SDK1: variants seen among roughly 807,000 people sequenced by gnomAD.
SDK1 encodes the protein protein sidekick-1.
In SDK1, 157 loss-of-function variants were observed where a neutral mutation model predicts 245.5. The observed-to-expected ratio is 0.64, with a 90% confidence interval of 0.56 to 0.73. The LOEUF (loss-of-function observed/expected upper bound fraction) is 0.73, where lower values mean the gene tolerates loss of function less well. Ranked by LOEUF, SDK1 falls within the 30% of genes least tolerant of loss-of-function variation. The probability of loss-of-function intolerance (pLI) is 0.00; values close to 1 mark genes in which losing one functional copy is unlikely to be tolerated. For missense variants in SDK1, 3,583 were observed against 3,002.3 expected, an observed-to-expected ratio of 1.19 and a Z score of -4.52; for synonymous variants, 1,647 against 1,278.5, an observed-to-expected ratio of 1.29 and a Z score of -6.15.
chr7:3,953,187 TTG>T (rs2128126080), intron 7 of SDK1, among the ~76,000 whole-genome samples: 1 of 149,940 alleles, frequency 6.7e-6, no homozygotes, highest in East Asian at 1.9e-4. Context: ...AAAAAAAAGC[TTG>T]TGTTTTCCTA....
chr7:3,369,884 C>A (rs1781180545), intron 1 of SDK1, among the ~76,000 whole-genome samples: 2 of 152,146 alleles, frequency 1.3e-5, no homozygotes, highest in South Asian at 4.1e-4. Flanking sequence ...TATTTCAGGG[C>A]AGCACCTAGC....
At chr7:4,078,674 C>T (rs187446238) in intron 21 of SDK1, among the ~76,000 whole-genome samples, 7 of 152,236 alleles carry the variant, frequency 4.6e-5, no homozygotes, top group African/African-American at 1.7e-4. Flanking sequence ...TTGCATGGCA[C>T]AGTAACACGA....
intron 1 of SDK1, among the ~76,000 whole-genome samples, chr7:3,457,628 T>G (rs1372531448): frequency 6.6e-6 from 1 of 152,220 alleles, no homozygotes; most frequent in African/African-American, 2.4e-5. Flanking sequence ...TGTATGAATT[T>G]CAGCTTAATA....
intron 35 of SDK1, among the ~76,000 whole-genome samples, chr7:4,200,273 G>C (rs189245521): frequency 6.6e-6 from 1 of 152,216 alleles, no homozygotes; most frequent in African/African-American, 2.4e-5. Context: ...CCAAACTCCA[G>C]GCGGTCTTGG....
chr7:4,086,108 G>A (rs1394391134), intron 22 of SDK1, among the ~76,000 whole-genome samples: 1 of 151,898 alleles, frequency 6.6e-6, no homozygotes, highest in Non-Finnish European at 1.5e-5. Flanking sequence ...TTTCTTCCAC[G>A]GAAGGTGGCA....
At chr7:3,430,020 CAT>C (rs1370791027) in intron 1 of SDK1, among the ~76,000 whole-genome samples, 1 of 152,234 alleles carries the variant, frequency 6.6e-6, no homozygotes, top group Non-Finnish European at 1.5e-5. Flanking sequence ...CACTGTGTGA[CAT>C]ATTACATTTC....
chr7:3,796,586 G>A (rs1335707369), intron 4 of SDK1, among the ~76,000 whole-genome samples: 4 of 152,088 alleles, frequency 2.6e-5, no homozygotes, highest in African/African-American at 4.8e-5. Flanking sequence ...ATAGCCAGGC[G>A]CAACCACTTC....
chr7:3,352,630 A>G (rs57364280), intron 1 of SDK1, among the ~76,000 whole-genome samples: 1,539 of 152,334 alleles, frequency 0.01, 33 homozygotes, highest in African/African-American at 0.035. Context: ...GTTGAATAAC[A>G]GAGCCACTCA....
intron 5 of SDK1, among the ~76,000 whole-genome samples, chr7:3,826,458 T>C (rs1347957204): frequency 1.3e-5 from 2 of 152,252 alleles, no homozygotes; most frequent in Non-Finnish European, 1.5e-5. Flanking sequence ...CGACGTGGCT[T>C]CTACTAACGA....
intron 1 of SDK1, among the ~76,000 whole-genome samples, chr7:3,444,075 A>T (rs1048241610): frequency 5.9e-5 from 9 of 152,204 alleles, no homozygotes; most frequent in African/African-American, 2.2e-4. Flanking sequence ...AGACTCCTAT[A>T]CTGCTCTTCC....
At chr7:3,877,698 A>G (rs1017539765) in intron 5 of SDK1, among the ~76,000 whole-genome samples, 4 of 152,244 alleles carry the variant, frequency 2.6e-5, no homozygotes, top group African/African-American at 9.6e-5. Context: ...TATCTTTTCA[A>G]ACTTTTTTTT....
At chr7:3,394,417 A>T (rs937210935) in intron 1 of SDK1, among the ~76,000 whole-genome samples, 1 of 152,108 alleles carries the variant, frequency 6.6e-6, no homozygotes, top group African/African-American at 2.4e-5. Flanking sequence ...TAGTACTATA[A>T]TGCTTTGATC....
At chr7:4,004,451 T>C (rs1256720725) in intron 14 of SDK1, among the ~76,000 whole-genome samples, 1 of 152,238 alleles carries the variant, frequency 6.6e-6, no homozygotes, top group East Asian at 1.9e-4. Context: ...TTCTCATTCA[T>C]ATAAAAATGC....
At chr7:3,472,290 A>G (rs995732059) in intron 1 of SDK1, among the ~76,000 whole-genome samples, 7 of 152,182 alleles carry the variant, frequency 4.6e-5, no homozygotes, top group African/African-American at 1.7e-4. Flanking sequence ...GGGGGTATAG[A>G]TAACAGTTTA....
At chr7:3,418,560 C>G (rs1779445341) in intron 1 of SDK1, among the ~76,000 whole-genome samples, 1 of 152,090 alleles carries the variant, frequency 6.6e-6, no homozygotes. Flanking sequence ...CTCTGCTCTA[C>G]AGGACTTGAA....
At chr7:3,498,419 C>T (rs1174342482) in intron 1 of SDK1, among the ~76,000 whole-genome samples, 2 of 152,098 alleles carry the variant, frequency 1.3e-5, no homozygotes, top group East Asian at 1.9e-4. Context: ...TTGGTTTTCT[C>T]ATCTATAAAA....
At chr7:3,657,036 C>T (rs936236883) in intron 4 of SDK1, among the ~76,000 whole-genome samples, 1 of 152,132 alleles carries the variant, frequency 6.6e-6, no homozygotes, top group Non-Finnish European at 1.5e-5. Context: ...CGTGAGCCAC[C>T]GCGCCCGGCC....
rs368520088 is a variant in SDK1, at chr7:3,456,341, AC to A, written c.298+154458del. 4.9e-3 allele frequency among the ~76,000 whole-genome samples: 753 copies of A among 152,286 alleles called. 9 individuals carry two copies. Among genetic ancestry groups the A allele is most frequent in the African/African-American group, 0.017 (707 of 41,560 alleles). On this transcript the variant is annotated intron_variant, in intron 1 of 44. Transcript: ENST00000404826. ...CTTTCTCCTCTGCTTTTGAAGCTCT[AC>A]TGACATAAATGTTGGATCTTTTGCT...
At chr7:3,589,969 C>A (rs1050617006) in intron 1 of SDK1, among the ~76,000 whole-genome samples, 1 of 152,192 alleles carries the variant, frequency 6.6e-6, no homozygotes, top group Admixed American at 6.5e-5. Flanking sequence ...CTGCACTTGA[C>A]CTGAGTCATG....
Sources: gnomAD v4.1 joint callset for allele counts (sites outside exome capture counted in the v4.1 genomes callset) on GRCh38, gnomAD v4.1.1 for gene constraint, MANE v1.5 for transcripts, NCBI Gene and HGNC (gene_info 2026-07-23, HGNC 2026-07-21) for gene names.